Variants in FMN2 observed in about 807,000 individuals in gnomAD.
FMN2 encodes formin 2.
In FMN2, 51 loss-of-function variants were observed where a neutral mutation model predicts 142.3. The ratio of observed to expected loss-of-function variants is 0.36; its 90% CI spans 0.29 to 0.45. The LOEUF is 0.45. FMN2 is among the 20% of genes least tolerant of loss of function. FMN2 has a pLI of 1.00. For missense variants in FMN2, 1,936 were observed against 2,122.8 expected (o/e 0.91, Z 1.73); for synonymous variants, 882 against 869.8 (o/e 1.01, Z -0.25).
chr1:240,124,759 C>T (rs1662430124), intron 2 of FMN2, among the ~76,000 whole-genome samples: 1 of 152,126 alleles, frequency 6.6e-6, no homozygotes, highest in Non-Finnish European at 1.5e-5. Flanking sequence ...CCTCCACCTC[C>T]CGAGTTCAAG....
intron 16 of FMN2, among the ~76,000 whole-genome samples, chr1:240,457,276 G>A (rs886938421): frequency 6.6e-6 from 1 of 152,170 alleles, no homozygotes; most frequent in Non-Finnish European, 1.5e-5. Flanking sequence ...TGAGGGGAAT[G>A]GCAAGTCAAG....
intron 16 of FMN2, among the ~76,000 whole-genome samples, chr1:240,456,110 C>A (rs1199868188): frequency 6.6e-6 from 1 of 151,910 alleles, no homozygotes. Context: ...ACTTCTCTAA[C>A]AGGAATAATG....
chr1:240,105,301 G>A (rs1661567386), intron 1 of FMN2, among the ~76,000 whole-genome samples: 1 of 151,610 alleles, frequency 6.6e-6, no homozygotes, highest in Non-Finnish European at 1.5e-5. Flanking sequence ...TAGAGATTGG[G>A]TTTCACCATA....
chr1:240,146,362 C>T (rs1178799078), intron 2 of FMN2, among the ~76,000 whole-genome samples: 8 of 132,184 alleles, frequency 6.1e-5, no homozygotes, highest in African/African-American at 2.3e-4. Flanking sequence ...CCACTGCACT[C>T]CAGCCTGGGC....
intron 1 of FMN2, among the ~76,000 whole-genome samples, chr1:240,120,936 TC>T (rs1392773874): frequency 5.3e-5 from 8 of 152,160 alleles, no homozygotes; most frequent in African/African-American, 1.7e-4. Context: ...GGTAGGCAGA[TC>T]ATTTGAGGTC....
chr1:240,390,492 CT>C (rs1419561897), intron 14 of FMN2, among the ~76,000 whole-genome samples: 1 of 152,196 alleles, frequency 6.6e-6, no homozygotes, highest in Non-Finnish European at 1.5e-5. Flanking sequence ...CTTTATTCCA[CT>C]AAACACAATT....
At chr1:240,267,649 GAGAC>G (rs1668865837) in intron 7 of FMN2, among the ~76,000 whole-genome samples, 1 of 138,988 alleles carries the variant, frequency 7.2e-6, no homozygotes, top group Non-Finnish European at 1.6e-5. Context: ...AAAAAAAAAA[GAGAC>G]CTGCAACTTT....
At chr1:240,338,459 T>C (rs1671636435) in intron 13 of FMN2, among the ~76,000 whole-genome samples, 1 of 152,222 alleles carries the variant, frequency 6.6e-6, no homozygotes, top group Admixed American at 6.5e-5. Context: ...TCCAAGGTTT[T>C]ACTTTCCTTG....
At chr1:240,256,286 C>T (rs1359243442) in intron 6 of FMN2, among the ~76,000 whole-genome samples, 1 of 152,016 alleles carries the variant, frequency 6.6e-6, no homozygotes, top group Non-Finnish European at 1.5e-5. Flanking sequence ...CTTTGCTGTA[C>T]TAATAGGCCC....
At chr1:240,229,674 A>C (rs1337716199) in intron 6 of FMN2, among the ~76,000 whole-genome samples, 1 of 152,116 alleles carries the variant, frequency 6.6e-6, no homozygotes, top group East Asian at 1.9e-4. Context: ...TTATTTTTTT[A>C]AGAGACAGAG....
At chr1:240,225,011 G>A (rs960898236) in intron 6 of FMN2, among the ~76,000 whole-genome samples, 1 of 152,150 alleles carries the variant, frequency 6.6e-6, no homozygotes, top group African/African-American at 2.4e-5. Flanking sequence ...TAAGTTTCAA[G>A]CATTAAGACC....
At chr1:240,233,095 T>C (rs1667582974) in intron 6 of FMN2, among the ~76,000 whole-genome samples, 1 of 152,200 alleles carries the variant, frequency 6.6e-6, no homozygotes, top group Admixed American at 6.5e-5. Flanking sequence ...CTACTGTGTA[T>C]GATGGCCGGG....
chr1:240,234,292 CT>C (rs764515981), intron 6 of FMN2, among the ~76,000 whole-genome samples: 11 of 152,152 alleles, frequency 7.2e-5, no homozygotes, highest in African/African-American at 9.7e-5. Context: ...TTCTTACCTT[CT>C]TCCCGATGAC....
chr1:240,373,326 A>G (rs1022758774), intron 14 of FMN2, among the ~76,000 whole-genome samples: 8 of 152,144 alleles, frequency 5.3e-5, no homozygotes, highest in African/African-American at 1.9e-4. Context: ...TAGCTGTGGC[A>G]GTTTCTGAAA....
chr1:240,213,566 G>A (rs1666773843), intron 6 of FMN2, among the ~76,000 whole-genome samples: 1 of 152,164 alleles, frequency 6.6e-6, no homozygotes, highest in Non-Finnish European at 1.5e-5. Flanking sequence ...GTATTTTCAG[G>A]ATGCATGCAA....
At chr1:240,129,300 A>G (rs970943630) in intron 2 of FMN2, among the ~76,000 whole-genome samples, 23 of 152,168 alleles carry the variant, frequency 1.5e-4, no homozygotes, top group Middle Eastern at 3.2e-3. Context: ...GAATATAGAT[A>G]TACGTATATA....
intron 2 of FMN2, among the ~76,000 whole-genome samples, chr1:240,148,977 A>AAAAAT (rs145912288): frequency 0.26 from 38,705 of 149,702 alleles, 5,823 homozygotes; most frequent in Admixed American, 0.36. Flanking sequence ...GTCTCAAAAA[A>AAAAAT]AAATAAATAA....
rs1439249598 is a variant in FMN2 at position 240,363,520 on chromosome 1, T to A, written c.4858+7612T>A. Among the ~76,000 whole-genome samples, 5 of 152,222 alleles carry A rather than the reference T, an allele frequency of 3.3e-5. 1 individual carries two copies. In the South Asian group the frequency reaches 1.0e-3, roughly 32 times the overall value. ...GGCCCCTCCCAGTTTTAAGCTTGAA[T>A]GAGGGCAGGTCTCTGGGACCCTGCC... On this transcript the variant is annotated intron_variant, in intron 14 of 17. Coordinates refer to ENST00000319653, the MANE Select transcript of FMN2 (RefSeq NM_020066.5).
At chr1:240,437,911 A>G in intron 15 of FMN2, 150 bp from the exon 16 acceptor site, 2 of 922,656 alleles carry the variant, frequency 2.2e-6, no homozygotes, top group Admixed American at 2.7e-5. Flanking sequence ...CTTAAACCAT[A>G]AGAGAGCTAC....
Sources: gnomAD v4.1 joint callset for allele counts (sites outside exome capture counted in the v4.1 genomes callset) on GRCh38, gnomAD v4.1.1 for gene constraint, MANE v1.5 for transcripts, NCBI Gene and HGNC (gene_info 2026-07-23, HGNC 2026-07-21) for gene names.